The following PKHD1 variants were observed in gnomAD, a reference collection of about 807,000 sequenced individuals.
The protein encoded by PKHD1 is PKHD1 ciliary IPT domain containing fibrocystin/polyductin, also known as fibrocystin.
In PKHD1, 291 loss-of-function variants were observed where a neutral mutation model predicts 412.0. The ratio of observed to expected loss-of-function variants is 0.71; its 90% CI spans 0.64 to 0.78. The LOEUF (loss-of-function observed/expected upper bound fraction) is 0.78. PKHD1 is among the 30% of genes least tolerant of loss of function. PKHD1 has a pLI of 0.00. For missense variants in PKHD1, 4,825 were observed against 4,950.7 expected (o/e 0.97, Z 0.76); for synonymous variants, 1,777 against 1,821.5 (o/e 0.98, Z 0.62).
chr6:51,869,946 C>T (rs926859779), intron 47 of PKHD1, among the ~76,000 whole-genome samples: 1 of 152,140 alleles, frequency 6.6e-6, no homozygotes, highest in Non-Finnish European at 1.5e-5. Context: ...ACCTCTTTCA[C>T]CTTGGCCCAT....
chr6:52,042,886 C>A lies in PKHD1; in HGVS notation c.3070G>T (p.Val1024Leu), dbSNP rs780858759. The A allele has an allele frequency of 6.2e-7, 1 of 1,613,928 alleles. No homozygotes were observed. The highest frequency in any genetic ancestry group is 8.5e-7 in the Non-Finnish European group (1 of 1,179,844). The change falls in exon 27 of 67, where the codon GTG becomes TTG. Residue 1024 changes from valine to leucine, a missense_variant. Val to Leu is a conservative substitution (Grantham distance 32). Transcript: ENST00000371117. ...ATATCCGCAGCTCTGGAAGGCTCCA[C>A]CATATCCAGTCTAGGTTTCACATTT... ...FLNVKPRLDM[V>L]EPSRAADIGG... is the part of the protein sequence containing the mutation.
chr6:52,004,836 G>A (rs1798856963), intron 35 of PKHD1, among the ~76,000 whole-genome samples: 1 of 152,106 alleles, frequency 6.6e-6, no homozygotes, highest in Non-Finnish European at 1.5e-5. Flanking sequence ...CTGTTCCAAA[G>A]TACTCCCAGT....
At chr6:51,842,240 C>T (rs1361315095) in intron 50 of PKHD1, among the ~76,000 whole-genome samples, 5 of 152,196 alleles carry the variant, frequency 3.3e-5, no homozygotes, top group Admixed American at 3.3e-4. Context: ...CCCAGCTCGG[C>T]TGCATCTCTG....
chr6:52,052,389 A>C (rs768695658), intron 21 of PKHD1, among the ~76,000 whole-genome samples: 2 of 152,238 alleles, frequency 1.3e-5, no homozygotes, highest in South Asian at 2.1e-4. Flanking sequence ...CACTGTGCCC[A>C]AGAGTGGTCA....
At chr6:51,871,704 A>G (rs1298314293) in intron 46 of PKHD1, among the ~76,000 whole-genome samples, 1 of 119,070 alleles carries the variant, frequency 8.4e-6, no homozygotes, top group Non-Finnish European at 2.1e-5. Flanking sequence ...AAAAGTCTGA[A>G]AAGAAAGAAA....
chr6:51,835,074 A>G (rs1274395001), intron 51 of PKHD1, among the ~76,000 whole-genome samples: 1 of 152,196 alleles, frequency 6.6e-6, no homozygotes, highest in Non-Finnish European at 1.5e-5. Flanking sequence ...TGGGCTTTCT[A>G]TTTCTCAGCA....
intron 52 of PKHD1, among the ~76,000 whole-genome samples, chr6:51,815,827 A>G (rs1277517181): frequency 6.6e-6 from 1 of 152,230 alleles, no homozygotes; most frequent in Non-Finnish European, 1.5e-5. Context: ...TAAGAAAAAA[A>G]CAAGATTATT....
chr6:51,638,834 A>T lies in PKHD1; in HGVS notation c.11506+15T>A, dbSNP rs1562001993. ...AAAAAAAAACACAGAATAAAAGCACACTGTATAAAATTACCTGGAGGAGAA... is the reference window on the plus strand; with the variant it reads ...AAAAAAAAACACAGAATAAAAGCACTCTGTATAAAATTACCTGGAGGAGAA... On this transcript the variant is annotated intron_variant, in intron 64 of 66. Transcript: ENST00000371117. The T allele has an allele frequency of 2.1e-6, 3 of 1,449,314 alleles. No homozygotes were observed. Among genetic ancestry groups the T allele is most frequent in the Non-Finnish European group, 9.7e-7 (1 of 1,030,614 alleles). 89.8% of individuals were successfully genotyped at this position (1,449,314 alleles called of 1,614,324 possible). A position where few individuals can be genotyped will look rare whatever the true frequency, so the allele number is the denominator to read the frequency against.
chr6:51,715,184 A>G (rs1781111809), intron 60 of PKHD1, among the ~76,000 whole-genome samples: 1 of 151,932 alleles, frequency 6.6e-6, no homozygotes, highest in African/African-American at 2.4e-5. Context: ...TTTTTCTGAA[A>G]GCAACTTCCA....
rs751084512 is a variant in PKHD1 at position 51,903,686 on chromosome 6, T to A, written c.6907A>T (p.Ile2303Phe). The A allele has an allele frequency of 4.8e-5, 78 of 1,611,238 alleles. No individual in the cohort carries two copies. Among genetic ancestry groups the A allele is most frequent in the Non-Finnish European group, 8.5e-7 (1 of 1,177,750 alleles). Residue 2303 changes from isoleucine to phenylalanine, a missense_variant, in exon 43 of 67, where the codon ATC becomes TTC. Physicochemically the swap from Ile to Phe is conservative, Grantham distance 21 (BLOSUM62 0). Coordinates refer to ENST00000371117, the MANE Select transcript of PKHD1 (RefSeq NM_138694.4). ...HGNIIRNNVI[I>F]QVSGAEGLSN... is the part of the protein sequence containing the mutation. ...AGTCCCTCGGCACCAGAAACCTGGA[T>A]GATCACGTTGTTTCTTATTATATTT...
intron 52 of PKHD1, among the ~76,000 whole-genome samples, chr6:51,809,431 T>C (rs1466321772): frequency 5.3e-5 from 8 of 152,118 alleles, no homozygotes; most frequent in Admixed American, 1.3e-4. Flanking sequence ...CCTCTTCCTA[T>C]GACAATATCA....
At chr6:51,980,232 G>C (rs1794966986) in intron 35 of PKHD1, among the ~76,000 whole-genome samples, 1 of 152,112 alleles carries the variant, frequency 6.6e-6, no homozygotes, top group African/African-American at 2.4e-5. Context: ...TTTGCACTCT[G>C]TTAAAACTAT....
intron 43 of PKHD1, among the ~76,000 whole-genome samples, chr6:51,894,404 C>A (rs868796315): frequency 6.6e-6 from 1 of 152,184 alleles, no homozygotes; most frequent in African/African-American, 2.4e-5. Context: ...ACCTCAGCTG[C>A]AGGCTGGGCA....
At chr6:51,667,957 T>C (rs1006612379) in intron 60 of PKHD1, among the ~76,000 whole-genome samples, 1 of 152,172 alleles carries the variant, frequency 6.6e-6, no homozygotes, top group Non-Finnish European at 1.5e-5. Flanking sequence ...AGCCTTGTAG[T>C]ATAGTTTGAA....
rs1239775972 is a variant in PKHD1 at position 51,874,875 on chromosome 6, C to G, written c.7351-4236G>C. Among the ~76,000 whole-genome samples, 6 of 100,328 alleles carry G rather than the reference C, an allele frequency of 6.0e-5. 1 individual carries two copies. Among genetic ancestry groups the G allele is most frequent in the Non-Finnish European group, 1.1e-4 (6 of 53,268 alleles). 65.8% of individuals were successfully genotyped at this position (100,328 alleles called of 152,430 possible). On this transcript the variant is annotated intron_variant, in intron 46 of 66. Coordinates refer to ENST00000371117, the MANE Select transcript of PKHD1 (RefSeq NM_138694.4). The stretch of plus-strand genomic sequence containing the variant: ...ACCGGGTTCATCTCACTAGGGAGTG[C>G]CAGACAGTGGGCGCAGGCCAGTGTG...
intron 60 of PKHD1, among the ~76,000 whole-genome samples, chr6:51,705,764 A>C (rs1401810405): frequency 6.6e-6 from 1 of 152,154 alleles, no homozygotes; most frequent in Non-Finnish European, 1.5e-5. Context: ...TAGATGCTTG[A>C]AGTAGAAAGG....
In PKHD1 at chr6:51,817,466, A is replaced by G. The variant is rs1469325590; in HGVS notation, c.8302+13395T>C. Among the ~76,000 whole-genome samples the G allele has an allele frequency of 3.9e-5, 6 of 152,230 alleles. No individual in the cohort carries two copies. In the South Asian group the frequency reaches 6.2e-4, roughly 16 times the overall value. On this transcript the variant is annotated intron_variant, in intron 52 of 66. Coordinates refer to ENST00000371117, the MANE Select transcript of PKHD1 (RefSeq NM_138694.4). Reference sequence around the variant, plus strand: ...GCTGCCACACACTACTTCCTGCCCTATGATATACTGAGGGGAGAGGGAAGG... The same window carrying G: ...GCTGCCACACACTACTTCCTGCCCTGTGATATACTGAGGGGAGAGGGAAGG...
intron 42 of PKHD1, 21 bp downstream of exon 42, chr6:51,903,965 A>C: frequency 6.7e-7 from 1 of 1,485,726 alleles, no homozygotes; most frequent in Non-Finnish European, 9.4e-7. Context: ...TAATAGATTT[A>C]AAATCAATTT....
chr6:52,027,776 C>A, intron 31 of PKHD1, 53 bp downstream of exon 31: 1 of 1,298,384 alleles, frequency 7.7e-7, no homozygotes, highest in African/African-American at 1.5e-5. Context: ...ATCTGAATAT[C>A]CAGCAAATAG....
Sources: allele counts gnomAD v4.1 joint callset (sites outside exome capture counted in the v4.1 genomes callset), GRCh38; gene constraint gnomAD v4.1.1; transcripts MANE v1.5; gene names NCBI Gene and HGNC (gene_info 2026-07-23, HGNC 2026-07-21).